Variants in ZEB2 observed in about 807,000 individuals in gnomAD.
ZEB2 encodes the protein zinc finger E-box binding homeobox 2, also known as zinc finger E-box-binding homeobox 2.
In ZEB2, 6 loss-of-function variants were observed where a neutral mutation model predicts 99.9. The ratio of observed to expected loss-of-function variants is 0.06; its 90% CI spans 0.03 to 0.12. ZEB2 has a LOEUF of 0.12. ZEB2 is among the 10% of genes least tolerant of loss of function. The pLI is 1.00. For missense variants in ZEB2, 969 were observed against 1,502.8 expected (o/e 0.64, Z 5.87); for synonymous variants, 517 against 542.5 (o/e 0.95, Z 0.65).
chr2:144,513,338 T>C (rs1032975168), intron 2 of ZEB2: 2 of 1,304,850 alleles, frequency 1.5e-6, no homozygotes, highest in African/African-American at 3.0e-5. Flanking sequence ...ACTTGATCCC[T>C]GTTCTTTGCC....
At chr2:144,420,600 A>C (rs1703606472) in intron 4 of ZEB2, among the ~76,000 whole-genome samples, 1 of 152,090 alleles carries the variant, frequency 6.6e-6, no homozygotes, top group Admixed American at 6.5e-5. Flanking sequence ...CATACACCTT[A>C]GGGTTGTGGG....
chr2:144,386,397 A>C lies in ZEB2; in HGVS notation c.*3054T>G, dbSNP rs544175073. ...CAGCGGATAAATAGCATTAAAAAAA[A>C]CTCCTCAGATATGGGACATTGTAGT... is the stretch of plus-strand genomic sequence containing the variant. On this transcript the variant is annotated 3_prime_UTR_variant, in exon 10 of 10. Coordinates refer to ENST00000627532, the MANE Select transcript of ZEB2 (RefSeq NM_014795.4). 2 of 152,094 alleles carry C rather than the reference A, an allele frequency of 1.3e-5. No individual in the cohort carries two copies. Among genetic ancestry groups the C allele is most frequent in the South Asian group, 2.1e-4 (1 of 4,816 alleles). 9.4% of individuals were successfully genotyped at this position (152,094 alleles called of 1,614,324 possible). A position where few individuals can be genotyped will look rare whatever the true frequency, so the allele number is the denominator to read the frequency against.
chr2:144,431,634 G>T (rs1000356916), intron 2 of ZEB2, among the ~76,000 whole-genome samples: 2 of 151,890 alleles, frequency 1.3e-5, no homozygotes, highest in African/African-American at 2.4e-5. Context: ...CAAGGGCTTA[G>T]GCAAGTTCAG....
intron 2 of ZEB2, among the ~76,000 whole-genome samples, chr2:144,438,178 C>T (rs896089330): frequency 6.6e-6 from 1 of 152,164 alleles, no homozygotes; most frequent in East Asian, 1.9e-4. Flanking sequence ...AAAATAATTG[C>T]TTTCAAATAT....
chr2:144,518,202 TAAGA>T (rs1174890721), intron 1 of ZEB2: 10 of 151,774 alleles, frequency 6.6e-5, no homozygotes, highest in African/African-American at 2.2e-4. Flanking sequence ...TTTTTTCCCT[TAAGA>T]AAGGAAAGAG....
chr2:144,519,004 A>G (rs1329142133), intron 1 of ZEB2: 1 of 152,172 alleles, frequency 6.6e-6, no homozygotes, highest in African/African-American at 2.4e-5. Flanking sequence ...CATGTAAAAT[A>G]TATCAGTAGG....
intron 2 of ZEB2, chr2:144,462,751 T>C (rs1704212247): frequency 1.3e-5 from 2 of 152,166 alleles, no homozygotes; most frequent in African/African-American, 2.4e-5. Context: ...ATGAGAAAAT[T>C]AGACATTTCT....
At chr2:144,420,460 A>T (rs1703604703) in intron 4 of ZEB2, among the ~76,000 whole-genome samples, 1 of 152,208 alleles carries the variant, frequency 6.6e-6, no homozygotes, top group Admixed American at 6.5e-5. Flanking sequence ...AGGTCAGCCA[A>T]TGAGGTAGAT....
intron 3 of ZEB2, chr2:144,428,769 G>A (rs1573742763): frequency 6.6e-6 from 1 of 152,030 alleles, no homozygotes; most frequent in Non-Finnish European, 1.5e-5. Context: ...TATAGTCTGC[G>A]ACATCACAAC....
intron 2 of ZEB2, among the ~76,000 whole-genome samples, chr2:144,494,034 C>A (rs949731565): frequency 1.3e-5 from 2 of 151,500 alleles, no homozygotes; most frequent in African/African-American, 4.9e-5. Flanking sequence ...CACCTGTAGT[C>A]CCAGCTACTC....
At position 144,389,792 on chromosome 2, in the gene ZEB2, C is replaced by T. The variant is rs1553960767; in HGVS notation, c.3304G>A (p.Glu1102Lys). ...CGGTTCATCAGCAGCTCGGTGGGTT[C>T]CAAGTGCCCTTTCTCGCGCGCCTCG... ...EREAREKGHL[E>K]PTELLMNRAY... The change falls in exon 10 of 10, where the codon GAA becomes AAA. Residue 1102 changes from glutamate to lysine, a missense_variant. Around this residue, in one of 8 missense-constraint regions of ZEB2, gnomAD observed 121 missense variants for 166.4 expected, o/e 0.73. Coordinates refer to ENST00000627532, the MANE Select transcript of ZEB2 (RefSeq NM_014795.4). The surrounding 1 kb of genome is among the most constrained non-coding windows in gnomAD (Gnocchi z 6.8). 1 of 1,610,684 alleles carries T rather than the reference C, an allele frequency of 6.2e-7. No homozygotes were observed. The highest frequency in any genetic ancestry group is 8.5e-7 in the Non-Finnish European group (1 of 1,177,678).
In ZEB2 at chr2:144,398,646, G is replaced by C; in HGVS notation, c.2541C>G (p.Asn847Lys). 6.2e-7 allele frequency: 1 copy of C among 1,614,080 alleles called. No individual in the cohort carries two copies. Among genetic ancestry groups the C allele is most frequent in the Non-Finnish European group, 8.5e-7 (1 of 1,180,002 alleles). Residue 847 changes from asparagine to lysine, a missense_variant, in exon 8 of 10, where the codon AAC (asparagine) becomes AAG (lysine). By Grantham distance (94) the Asn-to-Lys change is moderately conservative (BLOSUM62 0). Coordinates refer to ENST00000627532, the MANE Select transcript of ZEB2 (RefSeq NM_014795.4). ...TKASSISLDH[N>K]SVSSSSENSD... Reference sequence around the variant, plus strand: ...AGTTTTCAGATGAGGAAGAAACACTGTTATGATCTAAACTGATGCTACTAG... The same window carrying C: ...AGTTTTCAGATGAGGAAGAAACACTCTTATGATCTAAACTGATGCTACTAG...
At chr2:144,428,728 C>G (rs988471606) in intron 3 of ZEB2, 1 of 151,962 alleles carries the variant, frequency 6.6e-6, no homozygotes, top group Non-Finnish European at 1.5e-5. Context: ...TCCAGTATAC[C>G]AAACAATTAT....
At chr2:144,462,695 C>T (rs1704211407) in intron 2 of ZEB2, 1 of 152,142 alleles carries the variant, frequency 6.6e-6, no homozygotes, top group Non-Finnish European at 1.5e-5. Flanking sequence ...TGTTTGAAGT[C>T]TTACTAACTT....
chr2:144,415,614 G>A (rs1703529134), intron 4 of ZEB2, among the ~76,000 whole-genome samples: 1 of 152,200 alleles, frequency 6.6e-6, no homozygotes, highest in Admixed American at 6.5e-5. Context: ...GAACAAAGAG[G>A]AAGGGTCAAC....
At chr2:144,463,340 A>C (rs1392411106) in intron 2 of ZEB2, 1 of 152,152 alleles carries the variant, frequency 6.6e-6, no homozygotes, top group Non-Finnish European at 1.5e-5. Context: ...TTGGGAATAT[A>C]ACATGTATGT....
intron 2 of ZEB2, among the ~76,000 whole-genome samples, chr2:144,450,979 G>C (rs1233780742): frequency 3.3e-5 from 5 of 152,128 alleles, no homozygotes; most frequent in Non-Finnish European, 7.4e-5. Flanking sequence ...TGACCAGCCT[G>C]GTTTATTTTT....
At chr2:144,424,004 C>A (rs895638031) in intron 4 of ZEB2, among the ~76,000 whole-genome samples, 2 of 151,954 alleles carry the variant, frequency 1.3e-5, no homozygotes, top group Non-Finnish European at 2.9e-5. Flanking sequence ...GTTTGCAACA[C>A]CCCTCCCCTC....
intron 2 of ZEB2, chr2:144,455,345 A>G (rs901391638): frequency 1.3e-5 from 2 of 152,156 alleles, no homozygotes; most frequent in Non-Finnish European, 2.9e-5. Context: ...CTGGACCTCA[A>G]TTTCCACCAA....
Sources: allele counts gnomAD v4.1 joint callset (sites outside exome capture counted in the v4.1 genomes callset), GRCh38; gene constraint gnomAD v4.1.1; regional missense constraint gnomAD v4.1.1; non-coding constraint Gnocchi (gnomAD v3.1); transcripts MANE v1.5; gene names NCBI Gene and HGNC (gene_info 2026-07-23, HGNC 2026-07-21).